The following SDC2 variants were observed in gnomAD, a reference collection of about 807,000 sequenced individuals.
SDC2 encodes syndecan-2.
A neutral mutation model predicts 22.2 loss-of-function variants in SDC2; 13 were observed. That is an observed-to-expected ratio of 0.59 (90% CI 0.38 to 0.93). The LOEUF (loss-of-function observed/expected upper bound fraction) is 0.93, where lower values mean the gene tolerates loss of function less well. SDC2 is among the 40% of genes least tolerant of loss of function. The pLI is 0.00. For synonymous variants in SDC2, 94 were observed against 92.8 expected (o/e 1.01, Z -0.07); for missense variants, 235 against 246.8 (o/e 0.95, Z 0.32).
intron 1 of SDC2, among the ~76,000 whole-genome samples, chr8:96,583,620 T>C (rs912253725): frequency 1.3e-5 from 2 of 151,276 alleles, no homozygotes; most frequent in African/African-American, 4.9e-5. Flanking sequence ...TAACCAGTTA[T>C]CTTTCTTCTT....
chr8:96,501,648 A>T lies in SDC2; in HGVS notation c.60+7317A>T, dbSNP rs534353017. On this transcript the variant is annotated intron_variant, in intron 1 of 4. Coordinates refer to ENST00000302190, the MANE Select transcript of SDC2 (RefSeq NM_002998.4). ...TTATGTGTAATTTGTTATTAAATAT[A>T]AATACAGTAGACTAAATATACAACA... is the stretch of plus-strand genomic sequence containing the variant. Among the ~76,000 whole-genome samples, 5 of 152,260 alleles carry T rather than the reference A, an allele frequency of 3.3e-5. No homozygotes were observed. In the East Asian group the frequency reaches 9.7e-4, roughly 29 times the overall value.
intron 2 of SDC2, among the ~76,000 whole-genome samples, chr8:96,596,448 A>G (rs1192527683): frequency 6.6e-6 from 1 of 152,248 alleles, no homozygotes; most frequent in Admixed American, 6.5e-5. Flanking sequence ...TGTGGGCTCA[A>G]GTATGGGCAT....
At chr8:96,514,970 G>A (rs1813380464) in intron 1 of SDC2, among the ~76,000 whole-genome samples, 1 of 152,124 alleles carries the variant, frequency 6.6e-6, no homozygotes, top group South Asian at 2.1e-4. Flanking sequence ...GATTTTTCCT[G>A]TGCTAGCGCT....
At chr8:96,550,318 G>A (rs991257021) in intron 1 of SDC2, among the ~76,000 whole-genome samples, 3 of 152,104 alleles carry the variant, frequency 2.0e-5, no homozygotes, top group South Asian at 4.1e-4. Flanking sequence ...TTTGGGTCTT[G>A]GATTTTCAGA....
At chr8:96,555,314 G>A (rs1382523057) in intron 1 of SDC2, among the ~76,000 whole-genome samples, 1 of 152,050 alleles carries the variant, frequency 6.6e-6, no homozygotes, top group Non-Finnish European at 1.5e-5. Context: ...TTAGACCATT[G>A]GAATCAGCTG....
At chr8:96,543,166 A>G (rs945628055) in intron 1 of SDC2, among the ~76,000 whole-genome samples, 4 of 152,218 alleles carry the variant, frequency 2.6e-5, no homozygotes, top group African/African-American at 9.6e-5. Context: ...TTTATCAGTC[A>G]TAGTATAGGA....
intron 1 of SDC2, among the ~76,000 whole-genome samples, chr8:96,553,930 A>G (rs1490861479): frequency 1.3e-5 from 2 of 151,926 alleles, no homozygotes; most frequent in Non-Finnish European, 2.9e-5. Context: ...GCCATGCCCA[A>G]CCAGTTTTTT....
chr8:96,608,285 C>G, intron 3 of SDC2, 50 bp from the exon 4 acceptor site: 1 of 1,571,662 alleles, frequency 6.4e-7, no homozygotes, highest in South Asian at 1.2e-5. Flanking sequence ...TTTCTTCTTT[C>G]CAACACATTT....
intron 1 of SDC2, among the ~76,000 whole-genome samples, chr8:96,543,633 G>A (rs1333694780): frequency 6.6e-6 from 1 of 152,160 alleles, no homozygotes; most frequent in Non-Finnish European, 1.5e-5. Flanking sequence ...GGGTGCTCTA[G>A]GGTTGCTCCA....
intron 1 of SDC2, among the ~76,000 whole-genome samples, chr8:96,524,256 A>G (rs1005207278): frequency 2.0e-5 from 3 of 152,194 alleles, no homozygotes; most frequent in Admixed American, 6.5e-5. Context: ...TTTATTGGAC[A>G]TTCTTTTCAT....
In SDC2 at chr8:96,611,250, G is replaced by GT. The variant is rs1389592280; in HGVS notation, c.*1703dup. Reference sequence around the variant, plus strand: ...GAGGGTACTGTGGCTGGTACTTTCTGTACTAAACATTTCCTTTTTCTATTT... The same window carrying GT: ...GAGGGTACTGTGGCTGGTACTTTCTGTTACTAAACATTTCCTTTTTCTATTT... On this transcript the variant is annotated 3_prime_UTR_variant, in exon 5 of 5. Transcript: ENST00000302190. 6.6e-6 allele frequency: 1 copy of GT among 152,208 alleles called. No homozygotes were observed. The highest frequency in any genetic ancestry group is 1.5e-5 in the Non-Finnish European group (1 of 67,992). 9.4% of individuals were successfully genotyped at this position (152,208 alleles called of 1,614,324 possible).
chr8:96,526,633 A>T (rs73273507), intron 1 of SDC2, among the ~76,000 whole-genome samples: 3,738 of 152,094 alleles, frequency 0.025, 154 homozygotes, highest in African/African-American at 0.085. Flanking sequence ...TAAAGAATCA[A>T]GCTAGTAAAA....
chr8:96,566,671 ATTTT>A (rs201080064), intron 1 of SDC2, among the ~76,000 whole-genome samples: 1 of 150,304 alleles, frequency 6.7e-6, no homozygotes, highest in African/African-American at 2.4e-5. Flanking sequence ...TTATTAAATA[ATTTT>A]TTATTTTATT....
chr8:96,494,031 C>T lies in SDC2; in HGVS notation c.-241C>T. 1 of 545,474 alleles carries T rather than the reference C, an allele frequency of 1.8e-6. No homozygotes were observed. The highest frequency in any genetic ancestry group is 2.4e-5 in the South Asian group (1 of 41,764). The allele number at this position is 545,474 out of a possible 1,614,324, so 33.8% of individuals were successfully genotyped here. On this transcript the variant is annotated 5_prime_UTR_variant, in exon 1 of 5. Coordinates refer to ENST00000302190, the MANE Select transcript of SDC2 (RefSeq NM_002998.4). ...GAGCACCAACTCCGTGTCGGGAGTGCAGAAACCAACAAGTGAGAGGGCGCC... is the reference window on the plus strand; with the variant it reads ...GAGCACCAACTCCGTGTCGGGAGTGTAGAAACCAACAAGTGAGAGGGCGCC...
At chr8:96,594,959 C>T (rs1814847631) in intron 2 of SDC2, among the ~76,000 whole-genome samples, 1 of 152,172 alleles carries the variant, frequency 6.6e-6, no homozygotes, top group Non-Finnish European at 1.5e-5. Context: ...CTCCCACCAG[C>T]TCCCTCCCAT....
chr8:96,560,609 A>G (rs994783482), intron 1 of SDC2, among the ~76,000 whole-genome samples: 3 of 152,184 alleles, frequency 2.0e-5, no homozygotes, highest in African/African-American at 7.2e-5. Flanking sequence ...TTGACTTTTA[A>G]GATGGAAGGA....
intron 3 of SDC2, among the ~76,000 whole-genome samples, 191 bp downstream of exon 3, chr8:96,602,719 T>C (rs1484084164): frequency 6.6e-6 from 1 of 152,210 alleles, no homozygotes; most frequent in Non-Finnish European, 1.5e-5. Flanking sequence ...TCAGGTGGTG[T>C]TATAAATGGC....
intron 1 of SDC2, among the ~76,000 whole-genome samples, chr8:96,572,508 A>G (rs1814413694): frequency 6.6e-6 from 1 of 152,144 alleles, no homozygotes; most frequent in African/African-American, 2.4e-5. Flanking sequence ...GGCTGGCCCA[A>G]GTTTAAAAGT....
rs1815166636 is a variant in SDC2 at position 96,611,035 on chromosome 8, A to AT, written c.*1490dup. On this transcript the variant is annotated 3_prime_UTR_variant, in exon 5 of 5. Transcript: ENST00000302190. Reference sequence around the variant, plus strand: ...ATCTAAGGCTTAGGCCTATAGATTGATTTACCTTTGGAATTGTGCTCCAAA... The same window carrying AT: ...ATCTAAGGCTTAGGCCTATAGATTGATTTTACCTTTGGAATTGTGCTCCAAA... The AT allele has an allele frequency of 6.5e-6, 1 of 152,680 alleles. No individual in the cohort carries two copies. The highest frequency in any genetic ancestry group is 1.5e-5 in the Non-Finnish European group (1 of 68,050). The allele number at this position is 152,680 out of a possible 1,614,324, so 9.5% of individuals were successfully genotyped here. A position where few individuals can be genotyped will look rare whatever the true frequency, so the allele number is the denominator to read the frequency against.
Sources: gnomAD v4.1 joint callset for allele counts (sites outside exome capture counted in the v4.1 genomes callset) on GRCh38, gnomAD v4.1.1 for gene constraint, MANE v1.5 for transcripts, NCBI Gene and HGNC (gene_info 2026-07-23, HGNC 2026-07-21) for gene names.